Variants in CATSPERB observed in about 807,000 individuals in gnomAD.
CATSPERB encodes cation channel sperm-associated auxiliary subunit beta.
CATSPERB carries 93 observed loss-of-function variants against 128.3 expected under a neutral mutation model. That is an observed-to-expected ratio of 0.72 (90% confidence interval 0.61 to 0.86). The LOEUF (loss-of-function observed/expected upper bound fraction) is 0.86. Ranked by LOEUF, CATSPERB falls within the 40% of genes least tolerant of loss-of-function variation. The pLI is 0.00. For synonymous variants in CATSPERB, 381 were observed against 448.8 expected (o/e 0.85, Z 1.91); for missense variants, 1,153 against 1,329.5 (o/e 0.87, Z 2.06).
At chr14:91,692,500 G>A (rs1327284049) in intron 9 of CATSPERB, among the ~76,000 whole-genome samples, 1 of 152,162 alleles carries the variant, frequency 6.6e-6, no homozygotes, top group Non-Finnish European at 1.5e-5. Flanking sequence ...GAAGGCTCAG[G>A]TATATGTGAA....
At chr14:91,582,635 A>C (rs1893223949) in intron 26 of CATSPERB, among the ~76,000 whole-genome samples, 1 of 152,042 alleles carries the variant, frequency 6.6e-6, no homozygotes, top group Non-Finnish European at 1.5e-5. Flanking sequence ...CCCACCTTTG[A>C]GTGGTACCTT....
intron 22 of CATSPERB, among the ~76,000 whole-genome samples, chr14:91,600,287 A>G (rs914631737): frequency 1.3e-5 from 2 of 152,358 alleles, no homozygotes; most frequent in Admixed American, 1.3e-4. Context: ...TTTCATTAAA[A>G]AAGCAATTAT....
chr14:91,667,968 C>T (rs1895016380), intron 14 of CATSPERB, among the ~76,000 whole-genome samples: 3 of 152,184 alleles, frequency 2.0e-5, no homozygotes. Context: ...GATGGTCTTA[C>T]AAATGGAACC....
chr14:91,601,221 A>G (rs1447773941), intron 22 of CATSPERB, among the ~76,000 whole-genome samples: 1 of 152,232 alleles, frequency 6.6e-6, no homozygotes, highest in African/African-American at 2.4e-5. Flanking sequence ...ACCCATCTTG[A>G]ATTACTAAAG....
chr14:91,672,978 T>C lies in CATSPERB; in HGVS notation c.1017A>G (p.Glu339=). 1 of 1,588,454 alleles carries C rather than the reference T, an allele frequency of 6.3e-7. No individual in the cohort carries two copies. The highest frequency in any genetic ancestry group is 1.4e-5 in the African/African-American group (1 of 73,140). Residue 339 remains glutamate, a synonymous_variant, in exon 13 of 27, where the codon GAA becomes GAG. Transcript: ENST00000256343. ...SCFYSQEPFL[E]WVPCLPHIFK... is the part of the protein sequence containing the mutation. ...AAATGTGAGGTAAGCAGGGTACCCA[T>C]TCAAGAAATGGTTCCTGACTATAAA...
At chr14:91,699,698 C>G (rs974562828) in intron 7 of CATSPERB, among the ~76,000 whole-genome samples, 34 of 151,422 alleles carry the variant, frequency 2.2e-4, no homozygotes, top group African/African-American at 8.3e-4. Context: ...CTCAGCCTCC[C>G]GAGTAGCTGG....
chr14:91,660,782 T>C (rs961145812), intron 14 of CATSPERB, among the ~76,000 whole-genome samples: 1 of 152,204 alleles, frequency 6.6e-6, no homozygotes, highest in African/African-American at 2.4e-5. Flanking sequence ...TTATGCCTCA[T>C]CTAATATAAT....
rs776506022 is a variant in CATSPERB, at chr14:91,621,825, A to G, written c.2043T>C (p.Ala681=). The change falls in exon 19 of 27, where the codon GCT becomes GCC. Residue 681 remains alanine, a synonymous_variant. Coordinates refer to ENST00000256343, the MANE Select transcript of CATSPERB (RefSeq NM_024764.4). ...TGTTGGGTGCACTTTCAGGCATGGT[A>G]GCAATGGCTAATGCATTCTTATTAT... ...ILDNKNALAI[A]TMPESAPNNM... is the part of the protein sequence containing the mutation. 35 of 1,614,138 alleles carry G rather than the reference A, an allele frequency of 2.2e-5. 1 individual carries two copies. The Middle Eastern group carries it at 4.6e-3, about 213-fold the overall frequency.
At chr14:91,677,067 T>C (rs980914587) in intron 11 of CATSPERB, among the ~76,000 whole-genome samples, 3 of 152,082 alleles carry the variant, frequency 2.0e-5, no homozygotes, top group African/African-American at 7.2e-5. Context: ...TATAGAAAAA[T>C]TAATTCAAGA....
At chr14:91,609,989 G>A (rs531146174) in intron 21 of CATSPERB, among the ~76,000 whole-genome samples, 201 of 152,312 alleles carry the variant, frequency 1.3e-3, no homozygotes, top group African/African-American at 4.6e-3. Flanking sequence ...CCAAAGTGCT[G>A]GGATTACAGG....
At chr14:91,693,015 G>T (rs923734338) in intron 9 of CATSPERB, 111 bp downstream of exon 9, 1 of 776,302 alleles carries the variant, frequency 1.3e-6, no homozygotes, top group Non-Finnish European at 2.1e-6. Flanking sequence ...TCGAAAGAAA[G>T]AAGCATTTCA....
chr14:91,636,022 T>C (rs1393035798), intron 17 of CATSPERB: 2 of 156,428 alleles, frequency 1.3e-5, no homozygotes, highest in Non-Finnish European at 2.8e-5. Context: ...AAAAAATACT[T>C]ACTCTATTTG....
At chr14:91,646,529 G>GTA (rs1257473912) in intron 15 of CATSPERB, among the ~76,000 whole-genome samples, 6 of 152,156 alleles carry the variant, frequency 3.9e-5, no homozygotes, top group African/African-American at 1.4e-4. Context: ...CTCTCTCTCA[G>GTA]TAAGAGTCAA....
At chr14:91,625,891 G>A (rs1310911877) in intron 17 of CATSPERB, among the ~76,000 whole-genome samples, 1 of 152,196 alleles carries the variant, frequency 6.6e-6, no homozygotes, top group African/African-American at 2.4e-5. Flanking sequence ...TTTGGGAGCT[G>A]AGGCAGGCAG....
intron 17 of CATSPERB, among the ~76,000 whole-genome samples, chr14:91,627,663 T>C (rs1894192892): frequency 6.6e-6 from 1 of 152,184 alleles, no homozygotes; most frequent in Non-Finnish European, 1.5e-5. Flanking sequence ...GTAAATTCTT[T>C]GTGTCTCTGG....
At chr14:91,587,073 T>A in intron 26 of CATSPERB, 129 bp downstream of exon 26, 1 of 656,422 alleles carries the variant, frequency 1.5e-6, no homozygotes, top group Non-Finnish European at 2.6e-6. Context: ...CCCTTCAGGA[T>A]CCCCTGTCTT....
intron 7 of CATSPERB, among the ~76,000 whole-genome samples, chr14:91,701,646 GA>G: frequency 6.6e-6 from 1 of 152,270 alleles, no homozygotes; most frequent in Non-Finnish European, 1.5e-5. Context: ...CCTAGAGGAG[GA>G]AAGGGGGTAA....
intron 17 of CATSPERB, among the ~76,000 whole-genome samples, chr14:91,627,996 T>C (rs1479778118): frequency 2.6e-5 from 4 of 151,992 alleles, no homozygotes; most frequent in Admixed American, 2.0e-4. Context: ...AAAAAATATA[T>C]ATTTATATAG....
chr14:91,618,168 T>G (rs1893980744), intron 19 of CATSPERB, among the ~76,000 whole-genome samples: 2 of 152,344 alleles, frequency 1.3e-5, no homozygotes, highest in African/African-American at 4.8e-5. Context: ...ATGGCATTTG[T>G]AAACTGTCAT....
Sources: gnomAD v4.1 joint callset for allele counts (sites outside exome capture counted in the v4.1 genomes callset) on GRCh38, gnomAD v4.1.1 for gene constraint, MANE v1.5 for transcripts, NCBI Gene and HGNC (gene_info 2026-07-23, HGNC 2026-07-21) for gene names.